Variants in POC1B observed in about 807,000 individuals in gnomAD.
POC1B encodes the protein POC1 centriolar protein B.
Under a neutral mutation model 60.6 loss-of-function variants are expected in POC1B, and 44 were observed. That is an observed-to-expected ratio of 0.73 (90% CI 0.57 to 0.93). The LOEUF (loss-of-function observed/expected upper bound fraction) is 0.93, where lower values mean the gene tolerates loss of function less well. Ranked by LOEUF, POC1B falls within the 40% of genes least tolerant of loss-of-function variation. The probability of loss-of-function intolerance (pLI) is 0.00; values close to 1 mark genes in which losing one functional copy is unlikely to be tolerated. For missense variants in POC1B, 555 were observed against 572.3 expected (o/e 0.97, Z 0.31); for synonymous variants, 180 against 198.9 (o/e 0.90, Z 0.80).
At chr12:89,497,142 G>A (rs765390366) in intron 3 of POC1B, 29 bp downstream of exon 3, 3 of 1,604,106 alleles carry the variant, frequency 1.9e-6, no homozygotes, top group Non-Finnish European at 2.6e-6. Context: ...AAATCCAAAG[G>A]ATATCAAGTG....
intron 2 of POC1B, chr12:89,523,687 G>A: frequency 6.5e-7 from 1 of 1,541,898 alleles, no homozygotes; most frequent in South Asian, 1.3e-5. Flanking sequence ...TTTGGGGACA[G>A]AATGCCACTG....
chr12:89,468,473 G>A (rs188336103), intron 7 of POC1B, among the ~76,000 whole-genome samples: 2 of 152,080 alleles, frequency 1.3e-5, no homozygotes, highest in African/African-American at 4.8e-5. Context: ...AAAAGTTTTA[G>A]GGAAAAACAT....
At chr12:89,409,656 A>G in the POC1B span, among the ~76,000 whole-genome samples, 3 of 152,378 alleles carry the variant, frequency 2.0e-5, no homozygotes, top group East Asian at 5.8e-4. Context: ...ACAAACTACC[A>G]TTAGAGAATA....
intron 10 of POC1B, 123 bp from the exon 11 acceptor site, chr12:89,425,502 T>G: frequency 1.6e-6 from 1 of 620,036 alleles, no homozygotes; most frequent in South Asian, 2.6e-5. Context: ...TATCCCCAAC[T>G]ATAATAAGTT....
At chr12:89,451,439 C>T (rs1364522816) in intron 10 of POC1B, among the ~76,000 whole-genome samples, 2 of 152,080 alleles carry the variant, frequency 1.3e-5, no homozygotes, top group South Asian at 2.1e-4. Flanking sequence ...TCTTCCATTG[C>T]AAAAGTCAAT....
At chr12:89,460,870 A>G (rs974242249) in intron 9 of POC1B, 2 of 152,206 alleles carry the variant, frequency 1.3e-5, no homozygotes, top group African/African-American at 4.8e-5. Flanking sequence ...GAGGGAGGCT[A>G]TTTCAGAATT....
At chr12:89,524,703 G>T in intron 2 of POC1B, 1 of 774,090 alleles carries the variant, frequency 1.3e-6, no homozygotes. Context: ...GCTTTCCAGG[G>T]GTCACCTGAG....
At chr12:89,414,900 C>T (rs1168478297), downstream of POC1B, among the ~76,000 whole-genome samples, 1 of 152,182 alleles carries the variant, frequency 6.6e-6, no homozygotes, top group Admixed American at 6.5e-5. Flanking sequence ...AGTGAGGGTC[C>T]GTACTATCTT....
At chr12:89,467,754 G>A in intron 7 of POC1B, 69 bp from the exon 8 acceptor site, 1 of 1,201,698 alleles carries the variant, frequency 8.3e-7, no homozygotes, top group Non-Finnish European at 1.2e-6. Context: ...GAAGACTATG[G>A]ATATCAATTT....
chr12:89,431,833 C>A (rs1881043283), intron 10 of POC1B, among the ~76,000 whole-genome samples: 1 of 152,084 alleles, frequency 6.6e-6, no homozygotes, highest in African/African-American at 2.4e-5. Flanking sequence ...GATTGCAAGT[C>A]CAAAACAGGA....
In POC1B at chr12:89,425,338, T is replaced by C. The variant is rs1298904080; in HGVS notation, c.1155A>G (p.Glu385=). The change falls in exon 11 of 12, where the codon GAA becomes GAG. Residue 385 remains glutamate (E), a synonymous_variant. Transcript: ENST00000313546. ...GGTTCAAGAAATATCCACAGGCCTCTTCACCCTTGTCTGGCAGAGTCCTAC... is the reference window on the plus strand; with the variant it reads ...GGTTCAAGAAATATCCACAGGCCTCCTCACCCTTGTCTGGCAGAGTCCTAC... The part of the protein sequence containing the change: ...TSGRTLPDKG[E]EACGYFLNPS... 1 of 1,614,004 alleles carries C rather than the reference T, an allele frequency of 6.2e-7. No individual in the cohort carries two copies.
chr12:89,421,979 T>C (rs74503170), intron 11 of POC1B, among the ~76,000 whole-genome samples: 6,078 of 152,224 alleles, frequency 0.04, 331 homozygotes, highest in East Asian at 0.12. Context: ...TTTATATATA[T>C]GTTAAACTTG....
intron 8 of POC1B, 39 bp from the exon 9 acceptor site, chr12:89,466,961 G>C: frequency 6.4e-7 from 1 of 1,565,534 alleles, no homozygotes; most frequent in Non-Finnish European, 8.7e-7. Flanking sequence ...TTATTGACTT[G>C]CATGTACAAG....
intron 2 of POC1B, among the ~76,000 whole-genome samples, chr12:89,512,211 C>T (rs1283414794): frequency 1.3e-5 from 2 of 152,218 alleles, no homozygotes; most frequent in Admixed American, 6.5e-5. Flanking sequence ...ACAGCACTAA[C>T]TTAAAATCCC....
rs1386255340 is a variant in POC1B at position 89,497,295 on chromosome 12, G to T, written c.148C>A (p.His50Asn). The T allele has an allele frequency of 6.2e-7, 1 of 1,612,990 alleles. No homozygotes were observed. The highest frequency in any genetic ancestry group is 1.1e-5 in the South Asian group (1 of 91,028). ...CCCACATATCTGTAAGCTCTAGCAT[G>T]TGGCTTGAAATTCCATAGCATGAGA... is the stretch of plus-strand genomic sequence containing the variant. Reference protein sequence around the residue: ...TFLMLWNFKPHARAYRYVGHK... With the variant: ...TFLMLWNFKPNARAYRYVGHK... The change falls in exon 3 of 12, where the codon CAT (histidine) becomes AAT (asparagine). Residue 50 changes from histidine to asparagine, a missense_variant. His to Asn is a moderately conservative substitution (Grantham distance 68, BLOSUM62 1). Transcript: ENST00000313546.
At chr12:89,473,446 G>A (rs1263367043) in intron 4 of POC1B, among the ~76,000 whole-genome samples, 4 of 152,078 alleles carry the variant, frequency 2.6e-5, no homozygotes, top group African/African-American at 4.8e-5. Flanking sequence ...TGAGGCAGGC[G>A]GATCACCTGA....
At chr12:89,432,844 C>A (rs1881095502) in intron 10 of POC1B, among the ~76,000 whole-genome samples, 2 of 152,222 alleles carry the variant, frequency 1.3e-5, no homozygotes, top group Non-Finnish European at 2.9e-5. Context: ...TTGGGAGTTA[C>A]TGGCACGTAG....
intron 3 of POC1B, among the ~76,000 whole-genome samples, chr12:89,493,293 G>A (rs560585065): frequency 5.9e-5 from 9 of 152,314 alleles, no homozygotes; most frequent in African/African-American, 1.7e-4. Flanking sequence ...CTCTTAAGCA[G>A]CACATTTTTG....
intron 4 of POC1B, chr12:89,472,477 G>A: frequency 2.1e-6 from 1 of 475,840 alleles, no homozygotes; most frequent in Non-Finnish European, 3.7e-6. Context: ...GTCAAAATAT[G>A]CTATGTAGAC....
Sources: gnomAD v4.1 joint callset for allele counts (sites outside exome capture counted in the v4.1 genomes callset) on GRCh38, gnomAD v4.1.1 for gene constraint, MANE v1.5 for transcripts, NCBI Gene and HGNC (gene_info 2026-07-23, HGNC 2026-07-21) for gene names.